PDIA4: variants seen among roughly 807,000 people sequenced by gnomAD.
The protein encoded by PDIA4 is protein disulfide-isomerase A4.
A neutral mutation model predicts 62.1 loss-of-function variants in PDIA4; 33 were observed. That is an observed-to-expected ratio of 0.53 (90% CI 0.40 to 0.71). The LOEUF is 0.71. Ranked by LOEUF, PDIA4 falls within the 30% of genes least tolerant of loss-of-function variation. PDIA4 has a pLI of 0.00. For synonymous variants in PDIA4, 341 were observed against 324.1 expected, an observed-to-expected ratio of 1.05 and a Z score of -0.56; for missense variants, 804 against 813.6, an observed-to-expected ratio of 0.99 and a Z score of 0.14.
At position 149,003,554 on chromosome 7, in the gene PDIA4, C is replaced by G; in HGVS notation, c.*240G>C. The G allele has an allele frequency of 2.7e-6, 1 of 372,048 alleles. No individual in the cohort carries two copies. Among genetic ancestry groups the G allele is most frequent in the Non-Finnish European group, 4.7e-6 (1 of 211,018 alleles). 23.0% of individuals were successfully genotyped at this position (372,048 alleles called of 1,614,324 possible). On this transcript the variant is annotated 3_prime_UTR_variant, in exon 10 of 10. Coordinates refer to ENST00000652332, the MANE Select transcript of PDIA4 (RefSeq NM_004911.5). ...TTAGAAGGTGTAAAAAAAAATTTTTCAAACCCCAAATAATGATAAAAATAG... is the reference window on the plus strand; with the variant it reads ...TTAGAAGGTGTAAAAAAAAATTTTTGAAACCCCAAATAATGATAAAAATAG...
rs189949855 is a variant in PDIA4, at chr7:149,003,724, G to C, written c.*70C>G. On this transcript the variant is annotated 3_prime_UTR_variant, in exon 10 of 10. Coordinates refer to ENST00000652332, the MANE Select transcript of PDIA4 (RefSeq NM_004911.5). ...GATACTGTCGTTTGTTGCCGGCCTCGGCGTGGACGCCCCGACCATGGGCCA... is the reference window on the plus strand; with the variant it reads ...GATACTGTCGTTTGTTGCCGGCCTCCGCGTGGACGCCCCGACCATGGGCCA... The C allele has an allele frequency of 1.7e-3, 1,996 of 1,194,400 alleles. 3 individuals are homozygous for C. Among genetic ancestry groups the C allele is most frequent in the Non-Finnish European group, 2.1e-3 (1,848 of 887,026 alleles). 74.0% of individuals were successfully genotyped at this position (1,194,400 alleles called of 1,614,324 possible). A position where few individuals can be genotyped will look rare whatever the true frequency, so the allele number is the denominator to read the frequency against.
At chr7:149,021,488 CAAAAAAAAAAAAAA>C (rs34989074) in intron 1 of PDIA4, among the ~76,000 whole-genome samples, 1 of 64,932 alleles carries the variant, frequency 1.5e-5, no homozygotes, top group African/African-American at 6.1e-5. Context: ...CACTTCATCT[CAAAAAAAAAAAAAA>C]AAAAAAAAAC....
Position 149,003,731 on chromosome 7 carries a change from A to C in PDIA4, c.*63T>G. 2 of 1,279,702 alleles carry C rather than the reference A, an allele frequency of 1.6e-6. No homozygotes were observed. Among genetic ancestry groups the C allele is most frequent in the Non-Finnish European group, 2.1e-6 (2 of 960,762 alleles). The allele number at this position is 1,279,702 out of a possible 1,614,324, so 79.3% of individuals were successfully genotyped here. A position where few individuals can be genotyped will look rare whatever the true frequency, so the allele number is the denominator to read the frequency against. The stretch of plus-strand genomic sequence containing the variant: ...TCGTTTGTTGCCGGCCTCGGCGTGG[A>C]CGCCCCGACCATGGGCCACGCAGGG... On this transcript the variant is annotated 3_prime_UTR_variant, in exon 10 of 10. Transcript: ENST00000652332.
chr7:149,025,098 A>G (rs1278708374), intron 1 of PDIA4, among the ~76,000 whole-genome samples: 2 of 103,652 alleles, frequency 1.9e-5, no homozygotes, highest in South Asian at 3.2e-4. Context: ...ATATATATAT[A>G]TATATATATG....
chr7:149,018,534 C>T (rs189556221), intron 3 of PDIA4, among the ~76,000 whole-genome samples: 3 of 152,198 alleles, frequency 2.0e-5, no homozygotes, highest in Non-Finnish European at 4.4e-5. Flanking sequence ...TAGGTTCAAG[C>T]GATTATCCTG....
chr7:149,006,102 T>G, intron 7 of PDIA4, 49 bp from the exon 8 acceptor site: 1 of 1,522,956 alleles, frequency 6.6e-7, no homozygotes, highest in Non-Finnish European at 8.7e-7. Context: ...TCCCCACCAT[T>G]GTTCTTGAGT....
chr7:149,013,958 C>T (rs941981554), intron 4 of PDIA4, among the ~76,000 whole-genome samples: 6 of 152,144 alleles, frequency 3.9e-5, no homozygotes, highest in Non-Finnish European at 7.3e-5. Flanking sequence ...CCATGCATAG[C>T]GAAACAAGGG....
intron 7 of PDIA4, 62 bp downstream of exon 7, chr7:149,008,097 C>T: frequency 6.6e-7 from 1 of 1,516,156 alleles, no homozygotes; most frequent in Non-Finnish European, 9.0e-7. Flanking sequence ...AGAGGTGGCT[C>T]AAAGCAGAGT....
At position 149,023,478 on chromosome 7, in the gene PDIA4, T is replaced by A. The variant is rs112644664; in HGVS notation, c.89-2331A>T. On this transcript the variant is annotated intron_variant, in intron 1 of 9. Coordinates refer to ENST00000652332, the MANE Select transcript of PDIA4 (RefSeq NM_004911.5). ...AATCGAGATTTTTGACATTTTTTTT[T>A]AAATCCTGGGTGGTCCCTGAGGGAG... 8.5e-3 allele frequency among the ~76,000 whole-genome samples: 1,294 copies of A among 152,102 alleles called. 19 individuals carry two copies. The highest frequency in any genetic ancestry group is 0.03 in the African/African-American group (1,232 of 41,462).
intron 3 of PDIA4, among the ~76,000 whole-genome samples, chr7:149,016,587 C>T (rs914133236): frequency 6.6e-6 from 1 of 151,812 alleles, no homozygotes; most frequent in Non-Finnish European, 1.5e-5. Flanking sequence ...GGCGCGATCT[C>T]GGCTCACTGC....
intron 6 of PDIA4, among the ~76,000 whole-genome samples, chr7:149,008,968 C>A (rs1324034338): frequency 2.0e-5 from 3 of 152,140 alleles, no homozygotes; most frequent in Admixed American, 6.6e-5. Context: ...CTCTGTCCCC[C>A]AGGCTGGAGT....
chr7:149,028,119 A>C (rs896124446), intron 1 of PDIA4: 5 of 580,874 alleles, frequency 8.6e-6, no homozygotes, highest in East Asian at 3.0e-5. Flanking sequence ...TCTCCCGGGA[A>C]CCCCAAATCG....
intron 1 of PDIA4, among the ~76,000 whole-genome samples, chr7:149,024,533 C>T (rs878910514): frequency 2.0e-5 from 3 of 152,028 alleles, no homozygotes; most frequent in Non-Finnish European, 2.9e-5. Flanking sequence ...CATCCAGGGC[C>T]GGGCATGGTG....
chr7:149,012,559 G>C (rs1191006662), intron 4 of PDIA4, among the ~76,000 whole-genome samples, 199 bp from the exon 5 acceptor site: 1 of 152,138 alleles, frequency 6.6e-6, no homozygotes, highest in African/African-American at 2.4e-5. Flanking sequence ...TCATCCCACA[G>C]CATTCACACA....
chr7:149,008,559 C>T (rs545019116), intron 6 of PDIA4, among the ~76,000 whole-genome samples: 2 of 151,982 alleles, frequency 1.3e-5, no homozygotes, highest in Admixed American at 6.6e-5. Context: ...AAACATTAGC[C>T]GGGTGTGGTG....
At chr7:149,025,097 T>C (rs1201231323) in intron 1 of PDIA4, among the ~76,000 whole-genome samples, 1 of 90,082 alleles carries the variant, frequency 1.1e-5, no homozygotes, top group African/African-American at 3.8e-5. Context: ...TATATATATA[T>C]ATATATATAT....
At chr7:149,019,287 T>G in intron 2 of PDIA4, 90 bp from the exon 3 acceptor site, 1 of 930,890 alleles carries the variant, frequency 1.1e-6, no homozygotes, top group Non-Finnish European at 1.7e-6. Flanking sequence ...GGTTTGGATG[T>G]GGTTTGTCCA....
At chr7:149,016,823 C>A (rs1036660252) in intron 3 of PDIA4, among the ~76,000 whole-genome samples, 3 of 152,142 alleles carry the variant, frequency 2.0e-5, no homozygotes, top group African/African-American at 7.2e-5. Flanking sequence ...CTAGTACCTT[C>A]TTAGAGGGGA....
chr7:149,021,181 T>C, intron 1 of PDIA4, 34 bp from the exon 2 acceptor site: 5 of 1,546,310 alleles, frequency 3.2e-6, no homozygotes, highest in Non-Finnish European at 4.4e-6. Flanking sequence ...GTTACAAAGC[T>C]GGTGGTGACT....
Sources: gnomAD v4.1 joint callset for allele counts (sites outside exome capture counted in the v4.1 genomes callset) on GRCh38, gnomAD v4.1.1 for gene constraint, MANE v1.5 for transcripts, NCBI Gene and HGNC (gene_info 2026-07-23, HGNC 2026-07-21) for gene names.